SLC43A2: variants seen among roughly 807,000 people sequenced by gnomAD.
SLC43A2 encodes the protein solute carrier family 43 member 2.
SLC43A2 carries 38 observed loss-of-function variants against 63.2 expected under a neutral mutation model. The observed-to-expected ratio is 0.60, with a 90% CI of 0.46 to 0.79. SLC43A2 has a LOEUF of 0.79. Among genes scored for constraint, SLC43A2 ranks in the 30% least tolerant of loss-of-function variants. The pLI, the probability that SLC43A2 is intolerant of heterozygous loss-of-function variation, is 0.00. For synonymous variants in SLC43A2, 322 were observed against 331.0 expected, an observed-to-expected ratio of 0.97 and a Z score of 0.30; for missense variants, 644 against 756.2, an observed-to-expected ratio of 0.85 and a Z score of 1.74.
Position 1,583,101 on chromosome 17 carries a change from G to A in SLC43A2, c.1350+103C>T, listed in dbSNP as rs573014725. ...CTCAAAAAAATAAAGAAAGTCATCCGCTTTGTTGATGGCTTCCATGAAACA... is the reference window on the plus strand; with the variant it reads ...CTCAAAAAAATAAAGAAAGTCATCCACTTTGTTGATGGCTTCCATGAAACA... On this transcript the variant is annotated intron_variant, in intron 11 of 13. Transcript: ENST00000301335. The surrounding 1 kb of genome is among the most constrained non-coding windows in gnomAD (Gnocchi z 5.5). 4.1e-5 allele frequency: 53 copies of A among 1,286,698 alleles called. No homozygotes were observed. In the East Asian group the frequency reaches 5.8e-4, roughly 14 times the overall value. 79.7% of individuals were successfully genotyped at this position (1,286,698 alleles called of 1,614,324 possible). A position where few individuals can be genotyped will look rare whatever the true frequency, so the allele number is the denominator to read the frequency against.
rs10711247 is a variant in SLC43A2, at chr17:1,569,880, CTTTTTTTTTTT to C, written c.*5713_*5723del. The C allele has an allele frequency of 4.5e-5, 4 of 88,368 alleles. No individual in the cohort carries two copies. Among genetic ancestry groups the C allele is most frequent in the Non-Finnish European group, 8.9e-5 (4 of 44,786 alleles). The allele number at this position is 88,368 out of a possible 1,614,324, so 5.5% of individuals were successfully genotyped here. On this transcript the variant is annotated 3_prime_UTR_variant, in exon 14 of 14. Coordinates refer to ENST00000301335, the MANE Select transcript of SLC43A2 (RefSeq NM_152346.3). Reference sequence around the variant, plus strand: ...GTGGGGTCAGCAGATACAGACCTTACTTTTTTTTTTTTTTTTTTTTTTTTTGAGACGGAGTC... The same window carrying C: ...GTGGGGTCAGCAGATACAGACCTTACTTTTTTTTTTTTTTGAGACGGAGTC...
intron 13 of SLC43A2, 89 bp downstream of exon 13, chr17:1,576,508 G>A: frequency 1.1e-5 from 16 of 1,431,738 alleles, no homozygotes; most frequent in Non-Finnish European, 1.2e-5. Context: ...TGTCCTCGGG[G>A]CCCTGAAGCC....
intron 2 of SLC43A2, among the ~76,000 whole-genome samples, chr17:1,624,398 A>T (rs1267826990): frequency 2.0e-5 from 3 of 149,648 alleles, no homozygotes; most frequent in African/African-American, 7.4e-5. Flanking sequence ...ACGTGATGAA[A>T]CCCTCATCTC....
chr17:1,578,518 T>A lies in SLC43A2; in HGVS notation c.1351-195A>T. 1 of 547,906 alleles carries A rather than the reference T, an allele frequency of 1.8e-6. No homozygotes were observed. Among genetic ancestry groups the A allele is most frequent in the South Asian group, 2.5e-5 (1 of 40,496 alleles). The allele number at this position is 547,906 out of a possible 1,614,324, so 33.9% of individuals were successfully genotyped here. On this transcript the variant is annotated intron_variant, in intron 11 of 13. Transcript: ENST00000301335. This position sits in a 1 kb window ranked among gnomAD's most constrained non-coding sequence, Gnocchi z 6.5. ...CGTTAACACAGTCATTTTTTGTTTG[T>A]TTGTTTGTTTTGTTTTTTGTTTTGT...
rs904642418 is a variant in SLC43A2 at position 1,606,628 on chromosome 17, G to A, written c.501+6567C>T. Among the ~76,000 whole-genome samples, 4 of 152,200 alleles carry A rather than the reference G, an allele frequency of 2.6e-5. No individual in the cohort carries two copies. The highest frequency in any genetic ancestry group is 4.4e-5 in the Non-Finnish European group (3 of 68,028). On this transcript the variant is annotated intron_variant, in intron 5 of 13. Coordinates refer to ENST00000301335, the MANE Select transcript of SLC43A2 (RefSeq NM_152346.3). This position sits in a 1 kb window ranked among gnomAD's most constrained non-coding sequence, Gnocchi z 4.7. ...GCGACCCCAAGATGCGGCCTCAGCC[G>A]CCGGCCGTGTTTGTGCTCCAGCCGA...
At chr17:1,616,447 C>T in intron 3 of SLC43A2, 115 bp downstream of exon 3, 1 of 1,041,684 alleles carries the variant, frequency 9.6e-7, no homozygotes, top group Non-Finnish European at 1.4e-6. Context: ...GGAGGGCCTT[C>T]AGGGAGCTCC....
rs564346549 is a variant in SLC43A2 at position 1,606,724 on chromosome 17, C to CG, written c.501+6470dup. ...CACTGAGCGTGCCGTCCAGATGTCC[C>CG]GGGGGAGGCTGAGGATCCACACCGT... On this transcript the variant is annotated intron_variant, in intron 5 of 13. Transcript: ENST00000301335. This position sits in a 1 kb window ranked among gnomAD's most constrained non-coding sequence, Gnocchi z 4.7. Among the ~76,000 whole-genome samples the CG allele has an allele frequency of 4.9e-3, 750 of 152,306 alleles. 4 individuals are homozygous for CG. The highest frequency in any genetic ancestry group is 5.9e-3 in the Non-Finnish European group (399 of 68,014).
Position 1,583,390 on chromosome 17 carries a change from T to C in SLC43A2, c.1218-54A>G. On this transcript the variant is annotated intron_variant, in intron 10 of 13. Transcript: ENST00000301335. This position sits in a 1 kb window ranked among gnomAD's most constrained non-coding sequence, Gnocchi z 5.5. ...GGAGGGCTCCCCGGAGGAAGCCGGG[T>C]GCTCCTGAGAAGTCAGGCCTCAAGC... 1.9e-6 allele frequency: 3 copies of C among 1,603,254 alleles called. No individual in the cohort carries two copies. Among genetic ancestry groups the C allele is most frequent in the Non-Finnish European group, 2.6e-6 (3 of 1,172,302 alleles).
chr17:1,620,635 T>C (rs1428435833), intron 2 of SLC43A2, among the ~76,000 whole-genome samples: 1 of 151,964 alleles, frequency 6.6e-6, no homozygotes, highest in Non-Finnish European at 1.5e-5. Context: ...CAGAGGCGCC[T>C]GGGGCCGGGG....
intron 9 of SLC43A2, chr17:1,586,928 T>TGGGCCC: frequency 3.9e-5 from 48 of 1,232,812 alleles, no homozygotes; most frequent in East Asian, 5.6e-5. Flanking sequence ...TCCCTGACAA[T>TGGGCCC]CCCCCCCACC....
In SLC43A2 at chr17:1,591,584, G is replaced by C. The variant is rs779234863; in HGVS notation, c.710C>G (p.Pro237Arg). 7 of 1,550,132 alleles carry C rather than the reference G, an allele frequency of 4.5e-6. No homozygotes were observed. The East Asian group carries it at 1.7e-4, about 38-fold the overall frequency. ...FNWPLEPFPG[P>R]EDMDYSVKIK... ...TACTTACGAGTAGTCCATGTCCTCC[G>C]GCCCCGGGAAGGGCTCAAGGGGCCA... is the stretch of plus-strand genomic sequence containing the variant. The change falls in exon 7 of 14, where the codon CCG (proline) becomes CGG (arginine). Residue 237 changes from proline to arginine, a missense_variant. Around this residue, in one of 3 missense-constraint regions of SLC43A2, gnomAD observed 528 missense variants for 623.6 expected, o/e 0.85. Transcript: ENST00000301335.
intron 5 of SLC43A2, among the ~76,000 whole-genome samples, chr17:1,601,496 G>C (rs116929249): frequency 0.018 from 2,688 of 152,200 alleles, 34 homozygotes; most frequent in Non-Finnish European, 0.03. Flanking sequence ...TGGGAGCCAA[G>C]GCCAAACTGA....
intron 3 of SLC43A2, among the ~76,000 whole-genome samples, chr17:1,615,322 C>T (rs1391627850): frequency 6.6e-6 from 1 of 151,942 alleles, no homozygotes; most frequent in African/African-American, 2.4e-5. Context: ...GTTGGCCAGG[C>T]TGGTCTCGAA....
At chr17:1,576,138 C>T (rs1264494332) in intron 13 of SLC43A2, among the ~76,000 whole-genome samples, 1 of 135,680 alleles carries the variant, frequency 7.4e-6, no homozygotes, top group East Asian at 2.2e-4. Context: ...GGCTGGAGTG[C>T]AGTGGCGCAA....
chr17:1,596,024 A>G (rs973664173), intron 5 of SLC43A2, among the ~76,000 whole-genome samples: 1 of 152,182 alleles, frequency 6.6e-6, no homozygotes, highest in African/African-American at 2.4e-5. Flanking sequence ...GATGGCATCA[A>G]GAAAGTGAAA....
chr17:1,576,596 C>A lies in SLC43A2; in HGVS notation c.1548+1G>T. The A allele has an allele frequency of 6.2e-7, 1 of 1,603,958 alleles. No homozygotes were observed. Among genetic ancestry groups the A allele is most frequent in the South Asian group, 1.1e-5 (1 of 90,882 alleles). ...ACCCACCATCCCCCGACCCCTCTTACCCACAGAGGGTCTCCCTGGAGAGGA... is the reference window on the plus strand; with the variant it reads ...ACCCACCATCCCCCGACCCCTCTTAACCACAGAGGGTCTCCCTGGAGAGGA... On this transcript the variant is annotated splice_donor_variant, in intron 13 of 13. Coordinates refer to ENST00000301335, the MANE Select transcript of SLC43A2 (RefSeq NM_152346.3). LOFTEE classifies it high-confidence loss of function.
chr17:1,582,528 G>C (rs1400687864), intron 11 of SLC43A2, among the ~76,000 whole-genome samples: 1 of 152,188 alleles, frequency 6.6e-6, no homozygotes, highest in African/African-American at 2.4e-5. Context: ...TCAGATTCCA[G>C]CTGCTTGAGC....
chr17:1,585,769 T>G, intron 10 of SLC43A2, 144 bp downstream of exon 10: 3 of 1,594,154 alleles, frequency 1.9e-6, no homozygotes, highest in Middle Eastern at 1.7e-4. Context: ...GCTGAATGAG[T>G]GAGTCTCTCT....
In SLC43A2 at chr17:1,575,688, C is replaced by T. The variant is rs1448238579; in HGVS notation, c.1626G>A (p.Leu542=). 2 of 1,614,004 alleles carry T rather than the reference C, an allele frequency of 1.2e-6. No individual in the cohort carries two copies. The highest frequency in any genetic ancestry group is 1.7e-6 in the Non-Finnish European group (2 of 1,180,030). Residue 542 remains leucine, a synonymous_variant, in exon 14 of 14, where the codon CTG becomes CTA. Transcript: ENST00000301335. ...PLYLICYRRQ[L]ERQLQQRQED... ...CCTGCCTCTGCTGCAGCTGCCGCTCCAGCTGGCGCCGGTAGCAGATCAGGT... is the reference window on the plus strand; with the variant it reads ...CCTGCCTCTGCTGCAGCTGCCGCTCTAGCTGGCGCCGGTAGCAGATCAGGT...
Sources: gnomAD v4.1 joint callset for allele counts (sites outside exome capture counted in the v4.1 genomes callset) on GRCh38, gnomAD v4.1.1 for gene constraint, gnomAD v4.1.1 regional missense constraint, Gnocchi (gnomAD v3.1) non-coding constraint, MANE v1.5 for transcripts, NCBI Gene and HGNC (gene_info 2026-07-23, HGNC 2026-07-21) for gene names.